The following NELL1 variants were observed in gnomAD, a reference collection of about 807,000 sequenced individuals.
The protein encoded by NELL1 is neural EGFL like 1.
Under a neutral mutation model 107.4 loss-of-function variants are expected in NELL1, and 76 were observed. That is an observed-to-expected ratio of 0.71 (90% confidence interval 0.59 to 0.86). NELL1 has a LOEUF of 0.86. Ranked by LOEUF, NELL1 falls within the 40% of genes least tolerant of loss-of-function variation. NELL1 has a pLI of 0.00. For synonymous variants in NELL1, 353 were observed against 341.2 expected (o/e 1.03, Z -0.38); for missense variants, 1,024 against 1,005.5 (o/e 1.02, Z -0.25).
rs557367178 is a variant in NELL1 at position 20,925,671 on chromosome 11, G to A, written c.760-1637G>A. ...ATAGGAAGCTAATATTTCAGGCAGC[G>A]TCAACTCTTAGTTCTTTAGGGGCTG... On this transcript the variant is annotated intron_variant, in intron 7 of 19. Coordinates refer to ENST00000357134, the MANE Select transcript of NELL1 (RefSeq NM_006157.5). Among the ~76,000 whole-genome samples, 51 of 152,206 alleles carry A rather than the reference G, an allele frequency of 3.4e-4. No individual in the cohort carries two copies. In the South Asian group the frequency reaches 4.6e-3, roughly 14 times the overall value.
intron 14 of NELL1, among the ~76,000 whole-genome samples, chr11:21,252,245 T>C (rs969563097): frequency 9.2e-5 from 14 of 152,140 alleles, no homozygotes; most frequent in African/African-American, 3.4e-4. Context: ...GCTAGGTAAC[T>C]AGGATCTTGA....
At position 21,523,523 on chromosome 11, in the gene NELL1, G is replaced by C. The variant is rs541350758; in HGVS notation, c.1646-10851G>C. On this transcript the variant is annotated intron_variant, in intron 15 of 19. Transcript: ENST00000357134. ...GGCTCTATTACCTCTAATACATTTT[G>C]GTGGTCTTTCTTCAGCTTTGGATAA... 3.4e-3 allele frequency among the ~76,000 whole-genome samples: 518 copies of C among 152,078 alleles called. 1 individual carries two copies. Among genetic ancestry groups the C allele is most frequent in the Non-Finnish European group, 5.7e-3 (388 of 68,006 alleles).
At chr11:21,212,323 C>T (rs10833476) in intron 13 of NELL1, among the ~76,000 whole-genome samples, 18,124 of 152,086 alleles carry the variant, frequency 0.12, 1,319 homozygotes, top group East Asian at 0.41. Context: ...AAATGTTACT[C>T]ATGAAAAATT....
chr11:20,950,043 G>C (rs1851040014), intron 11 of NELL1, among the ~76,000 whole-genome samples: 1 of 152,194 alleles, frequency 6.6e-6, no homozygotes, highest in Admixed American at 6.5e-5. Context: ...GAGGTGGTGG[G>C]AGGGTGTTTT....
At chr11:20,938,444 A>G (rs1850773762) in intron 10 of NELL1, among the ~76,000 whole-genome samples, 1 of 152,198 alleles carries the variant, frequency 6.6e-6, no homozygotes. Flanking sequence ...AGTGAGGGAG[A>G]GAGACAGTAA....
At chr11:20,686,932 GT>G (rs368676309) in intron 2 of NELL1, among the ~76,000 whole-genome samples, 1,961 of 139,302 alleles carry the variant, frequency 0.014, 32 homozygotes, top group African/African-American at 0.046. Context: ...AGGGGCTTCA[GT>G]TTTTTTTTTT....
At chr11:21,525,920 T>A (rs1024260788) in intron 15 of NELL1, among the ~76,000 whole-genome samples, 1 of 152,180 alleles carries the variant, frequency 6.6e-6, no homozygotes, top group Admixed American at 6.5e-5. Context: ...TCTGCCCCTA[T>A]CATTCTGCCC....
chr11:20,708,888 G>A (rs895223385), intron 2 of NELL1, among the ~76,000 whole-genome samples: 2 of 152,110 alleles, frequency 1.3e-5, no homozygotes, highest in Non-Finnish European at 2.9e-5. Context: ...GTGGGGGCAG[G>A]CGATGGTTTC....
At chr11:20,951,360 C>T (rs1001173156) in intron 11 of NELL1, among the ~76,000 whole-genome samples, 2 of 152,116 alleles carry the variant, frequency 1.3e-5, no homozygotes, top group Admixed American at 1.3e-4. Flanking sequence ...CCCCACCCCA[C>T]AATTATTGAC....
At chr11:21,073,323 C>T (rs962147414) in intron 12 of NELL1, among the ~76,000 whole-genome samples, 2 of 152,048 alleles carry the variant, frequency 1.3e-5, no homozygotes, top group Admixed American at 1.3e-4. Flanking sequence ...TCCAGGATGG[C>T]TTGGGTCAGT....
intron 14 of NELL1, among the ~76,000 whole-genome samples, chr11:21,348,517 T>C (rs1204798834): frequency 2.6e-5 from 4 of 152,202 alleles, no homozygotes; most frequent in African/African-American, 4.8e-5. Context: ...TTTGATAAGA[T>C]ATTTAAGCAT....
intron 15 of NELL1, among the ~76,000 whole-genome samples, chr11:21,444,995 T>C (rs1853383860): frequency 6.6e-6 from 1 of 152,208 alleles, no homozygotes; most frequent in African/African-American, 2.4e-5. Flanking sequence ...AACCCATTAT[T>C]TTAAACTGAT....
chr11:20,968,336 A>G (rs1175908289), intron 12 of NELL1, among the ~76,000 whole-genome samples: 1 of 149,112 alleles, frequency 6.7e-6, no homozygotes, highest in Non-Finnish European at 1.5e-5. Context: ...ATAGACACAC[A>G]AACATTTGCT....
rs1231365628 is a variant in NELL1 at position 21,399,206 on chromosome 11, T to G, written c.1645+28258T>G. ...AAATATCAATTTAAGGTCAGTTGTA[T>G]ATCTACAAGTAGATTCAACTTTGTG... is the stretch of plus-strand genomic sequence containing the variant. On this transcript the variant is annotated intron_variant, in intron 15 of 19. Coordinates refer to ENST00000357134, the MANE Select transcript of NELL1 (RefSeq NM_006157.5). Among the ~76,000 whole-genome samples, 4 of 151,780 alleles carry G rather than the reference T, an allele frequency of 2.6e-5. No individual in the cohort carries two copies. In the East Asian group the frequency reaches 5.9e-4, roughly 22 times the overall value.
At chr11:21,114,441 T>G (rs959633046) in intron 13 of NELL1, among the ~76,000 whole-genome samples, 19 of 152,012 alleles carry the variant, frequency 1.2e-4, no homozygotes, top group African/African-American at 4.6e-4. Context: ...GAACCCAAGA[T>G]TTCAATCATG....
intron 15 of NELL1, among the ~76,000 whole-genome samples, chr11:21,372,896 G>A (rs1164835605): frequency 6.6e-6 from 1 of 152,022 alleles, no homozygotes; most frequent in Non-Finnish European, 1.5e-5. Flanking sequence ...TCTCTGCTGA[G>A]TAAGTGGGTG....
At chr11:21,254,810 A>G (rs2133914975) in intron 14 of NELL1, among the ~76,000 whole-genome samples, 1 of 152,218 alleles carries the variant, frequency 6.6e-6, no homozygotes, top group East Asian at 1.9e-4. Context: ...CATTTCTGAA[A>G]AAGCCCAGCT....
intron 12 of NELL1, among the ~76,000 whole-genome samples, chr11:21,038,651 G>T (rs1392699849): frequency 6.6e-6 from 1 of 152,046 alleles, no homozygotes; most frequent in Non-Finnish European, 1.5e-5. Context: ...CTGTGCTGTG[G>T]CCCTGTTTTA....
At chr11:21,433,269 A>C (rs890273585) in intron 15 of NELL1, among the ~76,000 whole-genome samples, 2 of 152,166 alleles carry the variant, frequency 1.3e-5, no homozygotes, top group African/African-American at 4.8e-5. Flanking sequence ...TTCTGTATCC[A>C]TTCATCTGCT....
Sources: gnomAD v4.1 joint callset for allele counts (sites outside exome capture counted in the v4.1 genomes callset) on GRCh38, gnomAD v4.1.1 for gene constraint, MANE v1.5 for transcripts, NCBI Gene and HGNC (gene_info 2026-07-23, HGNC 2026-07-21) for gene names.